GRIK4: variants seen among roughly 807,000 people sequenced by gnomAD.
GRIK4 encodes glutamate receptor ionotropic, kainate 4.
Under a neutral mutation model 104.9 loss-of-function variants are expected in GRIK4, and 40 were observed. The observed-to-expected ratio is 0.38, with a 90% CI of 0.30 to 0.50. GRIK4 has a LOEUF of 0.50. Among genes scored for constraint, GRIK4 ranks in the 20% least tolerant of loss-of-function variants. The pLI, the probability that GRIK4 is intolerant of heterozygous loss-of-function variation, is 0.93. For missense variants in GRIK4, 1,047 were observed against 1,308.1 expected, an observed-to-expected ratio of 0.80 and a Z score of 3.08; for synonymous variants, 485 against 524.9, an observed-to-expected ratio of 0.92 and a Z score of 1.04.
intron 3 of GRIK4, among the ~76,000 whole-genome samples, chr11:120,707,565 A>G (rs930157533): frequency 6.6e-6 from 1 of 152,238 alleles, no homozygotes; most frequent in Non-Finnish European, 1.5e-5. Flanking sequence ...CCAGTTGTCT[A>G]TTACTCTATA....
At chr11:120,576,089 G>A (rs578150581) in intron 1 of GRIK4, among the ~76,000 whole-genome samples, 15 of 152,304 alleles carry the variant, frequency 9.8e-5, no homozygotes, top group Admixed American at 5.9e-4. Context: ...GGGCTCCTGG[G>A]TAAATTTGTA....
chr11:120,545,973 T>A (rs1321951891), intron 1 of GRIK4, among the ~76,000 whole-genome samples: 1 of 152,088 alleles, frequency 6.6e-6, no homozygotes, highest in Non-Finnish European at 1.5e-5. Flanking sequence ...GCTTCACATC[T>A]CTCCTGACTT....
chr11:120,590,673 C>T (rs1948722698), intron 1 of GRIK4, among the ~76,000 whole-genome samples: 1 of 152,146 alleles, frequency 6.6e-6, no homozygotes, highest in South Asian at 2.1e-4. Flanking sequence ...CAAGGCTCAC[C>T]ATATGGTGAC....
chr11:120,669,503 C>T (rs1400259490), intron 3 of GRIK4, among the ~76,000 whole-genome samples: 1 of 152,230 alleles, frequency 6.6e-6, no homozygotes, highest in African/African-American at 2.4e-5. Context: ...TCTCCTCTCT[C>T]TCTTTCCCTA....
At chr11:120,701,752 C>G (rs1319791408) in intron 3 of GRIK4, among the ~76,000 whole-genome samples, 1 of 152,080 alleles carries the variant, frequency 6.6e-6, no homozygotes, top group Non-Finnish European at 1.5e-5. Context: ...TGAGAATAGG[C>G]TGAAGGGAGA....
chr11:120,601,285 A>G (rs1469380908), intron 1 of GRIK4, among the ~76,000 whole-genome samples: 2 of 152,064 alleles, frequency 1.3e-5, no homozygotes, highest in African/African-American at 2.4e-5. Flanking sequence ...GCACGCCTGT[A>G]ATCCCAGCTA....
At position 120,549,713 on chromosome 11, in the gene GRIK4, G is replaced by A. The variant is rs1948121343; in HGVS notation, c.-159+37826G>A. 6.6e-6 allele frequency among the ~76,000 whole-genome samples: 1 copy of A among 152,196 alleles called. No individual in the cohort carries two copies. Among genetic ancestry groups the A allele is most frequent in the Admixed American group, 6.5e-5 (1 of 15,288 alleles). ...GGGCCCCTGGGAGATCTGGGGTGCA[G>A]AGAAGGAGTGGGAGAGGTGGGCAGC... On this transcript the variant is annotated intron_variant, in intron 1 of 20. Coordinates refer to ENST00000527524, the MANE Select transcript of GRIK4 (RefSeq NM_014619.5). The surrounding 1 kb of genome is among the most constrained non-coding windows in gnomAD (Gnocchi z 4.7).
At chr11:120,785,861 C>T (rs1952259039) in intron 3 of GRIK4, among the ~76,000 whole-genome samples, 1 of 152,216 alleles carries the variant, frequency 6.6e-6, no homozygotes, top group Non-Finnish European at 1.5e-5. Flanking sequence ...AACCTGCCCT[C>T]CTGGCCCTTT....
chr11:120,527,143 A>G (rs1481096125), intron 1 of GRIK4, among the ~76,000 whole-genome samples: 25 of 152,230 alleles, frequency 1.6e-4, no homozygotes, highest in Admixed American at 1.6e-3. Flanking sequence ...TGGAGGATGC[A>G]AAGGCAGGTG....
chr11:120,779,439 A>G (rs1414348474), intron 3 of GRIK4, among the ~76,000 whole-genome samples: 4 of 152,120 alleles, frequency 2.6e-5, no homozygotes, highest in Non-Finnish European at 5.9e-5. Flanking sequence ...AAGAAGGTGA[A>G]TTGGGCAAGG....
intron 10 of GRIK4, among the ~76,000 whole-genome samples, 198 bp downstream of exon 10, chr11:120,874,416 C>G (rs1954713394): frequency 6.6e-6 from 1 of 152,250 alleles, no homozygotes; most frequent in Non-Finnish European, 1.5e-5. Flanking sequence ...CCAATAACCA[C>G]TGAGAATTCA....
intron 1 of GRIK4, among the ~76,000 whole-genome samples, chr11:120,631,182 C>T (rs1949328444): frequency 6.6e-6 from 1 of 152,256 alleles, no homozygotes; most frequent in Non-Finnish European, 1.5e-5. Flanking sequence ...TTTTGTTTGC[C>T]TTCATTGTAA....
rs769103616 is a variant in GRIK4, at chr11:120,986,274, A to G, written c.*14A>G. ...GAGCCCGAGTAGTCCCGGAGGCCAC[A>G]GGACGCGCAGAGGCCGGGCGGGGCG... On this transcript the variant is annotated 3_prime_UTR_variant, in exon 21 of 21. Coordinates refer to ENST00000527524, the MANE Select transcript of GRIK4 (RefSeq NM_014619.5). The G allele has an allele frequency of 6.0e-6, 8 of 1,328,416 alleles. No homozygotes were observed. The highest frequency in any genetic ancestry group is 1.1e-4 in the East Asian group (2 of 18,248). The allele number at this position is 1,328,416 out of a possible 1,614,324, so 82.3% of individuals were successfully genotyped here. A position where few individuals can be genotyped will look rare whatever the true frequency, so the allele number is the denominator to read the frequency against.
At chr11:120,523,990 G>A (rs535089706) in intron 1 of GRIK4, among the ~76,000 whole-genome samples, 27 of 150,914 alleles carry the variant, frequency 1.8e-4, no homozygotes, top group African/African-American at 5.9e-4. Context: ...GCAGTGGCAC[G>A]ATCTCGGCTC....
At chr11:120,557,240 C>T (rs1049796202) in intron 1 of GRIK4, among the ~76,000 whole-genome samples, 7 of 152,188 alleles carry the variant, frequency 4.6e-5, no homozygotes, top group Non-Finnish European at 7.3e-5. Context: ...CTGTCCCCCC[C>T]GAGGACTCTC....
At chr11:120,762,297 C>A (rs935978563) in intron 3 of GRIK4, among the ~76,000 whole-genome samples, 203 of 152,282 alleles carry the variant, frequency 1.3e-3, no homozygotes, top group Non-Finnish European at 2.0e-3. Flanking sequence ...ATTTTGTATC[C>A]TAAGACTTTG....
rs377654642 is a variant in GRIK4, at chr11:120,956,147, C to T, written c.1701-633C>T. On this transcript the variant is annotated intron_variant, in intron 15 of 20. Coordinates refer to ENST00000527524, the MANE Select transcript of GRIK4 (RefSeq NM_014619.5). The surrounding 1 kb of genome is among the most constrained non-coding windows in gnomAD (Gnocchi z 4.6). ...CTGTCACTGGCAGTGACAGAACAAG[C>T]GGCTTCCCAGGCTGTCCACCTCTTG... is the stretch of plus-strand genomic sequence containing the variant. Among the ~76,000 whole-genome samples, 119 of 152,002 alleles carry T rather than the reference C, an allele frequency of 7.8e-4. 2 individuals carry two copies. In the South Asian group the frequency reaches 0.022, roughly 28 times the overall value.
At chr11:120,595,192 G>A (rs1398139100) in intron 1 of GRIK4, among the ~76,000 whole-genome samples, 2 of 152,236 alleles carry the variant, frequency 1.3e-5, no homozygotes, top group African/African-American at 4.8e-5. Context: ...CTTGCAGCCC[G>A]TGGTCGTGCT....
rs571618190 is a variant in GRIK4, at chr11:120,855,937, A to C, written c.745-6022A>C. 1.2e-4 allele frequency among the ~76,000 whole-genome samples: 18 copies of C among 152,360 alleles called. 1 individual carries two copies. The South Asian group carries it at 3.7e-3, about 32-fold the overall frequency. On this transcript the variant is annotated intron_variant, in intron 8 of 20. Transcript: ENST00000527524. ...GTCACCTCTTGCCAAACAAAGAGGA[A>C]GAGAAAGAGGAAGGCGAAGCCTCCA...
Sources: allele counts gnomAD v4.1 joint callset (sites outside exome capture counted in the v4.1 genomes callset), GRCh38; gene constraint gnomAD v4.1.1; non-coding constraint Gnocchi (gnomAD v3.1); transcripts MANE v1.5; gene names NCBI Gene and HGNC (gene_info 2026-07-23, HGNC 2026-07-21).